SLC9D1: variants seen among roughly 807,000 people sequenced by gnomAD.
SLC9D1 encodes the protein putative LAG1-interacting protein.
At chr13:113,549,497 A>G in the SLC9D1 span, 3 of 1,614,072 alleles carry the variant, frequency 1.9e-6, no homozygotes, top group Non-Finnish European at 2.5e-6. Context: ...AGCTGCAATC[A>G]CGAGGTGTGT....
At chr13:113,547,292 C>T in the SLC9D1 span, 3 of 1,612,802 alleles carry the variant, frequency 1.9e-6, no homozygotes, top group African/African-American at 2.7e-5. Context: ...CTGTCCTGTT[C>T]CCAACAGGGC....
chr13:113,526,556 C>CA, the SLC9D1 span, among the ~76,000 whole-genome samples: 80 of 143,726 alleles, frequency 5.6e-4, no homozygotes, highest in South Asian at 1.6e-3. Context: ...TCATCTCTAC[C>CA]AAAAAAAAAA....
chr13:113,549,522 G>C, the SLC9D1 span: 1 of 1,614,180 alleles, frequency 6.2e-7, no homozygotes, highest in Non-Finnish European at 8.5e-7. Flanking sequence ...AGACCGGAGA[G>C]ACGGTCCAGC....
chr13:113,547,499 C>A, the SLC9D1 span: 1 of 767,208 alleles, frequency 1.3e-6, no homozygotes, highest in Non-Finnish European at 2.2e-6. Context: ...CTCCTCATCT[C>A]GGAGGAGGCC....
the SLC9D1 span, chr13:113,505,138 T>C: frequency 6.6e-6 from 1 of 152,202 alleles, no homozygotes; most frequent in African/African-American, 2.4e-5. Context: ...TTAGCCCACT[T>C]TTGGATGGGG....
At chr13:113,508,491 G>A in the SLC9D1 span, among the ~76,000 whole-genome samples, 2 of 152,216 alleles carry the variant, frequency 1.3e-5, no homozygotes, top group African/African-American at 2.4e-5. Flanking sequence ...CATCACAATT[G>A]CCAAGCATAG....
chr13:113,537,975 G>A, the SLC9D1 span, among the ~76,000 whole-genome samples: 5 of 149,982 alleles, frequency 3.3e-5, no homozygotes, highest in Non-Finnish European at 7.4e-5. Flanking sequence ...TTTGTGGTGT[G>A]TACATGTATG....
the SLC9D1 span, among the ~76,000 whole-genome samples, chr13:113,506,820 C>T: frequency 6.6e-5 from 10 of 152,246 alleles, no homozygotes; most frequent in South Asian, 1.7e-3. Context: ...TGTTGTATAA[C>T]GTAAGGTGGA....
At chr13:113,533,470 AT>A in the SLC9D1 span, among the ~76,000 whole-genome samples, 1 of 152,208 alleles carries the variant, frequency 6.6e-6, no homozygotes, top group South Asian at 2.1e-4. Flanking sequence ...CTAAGGTTAA[AT>A]ATAGGTATAT....
At chr13:113,543,973 A>T in the SLC9D1 span, among the ~76,000 whole-genome samples, 1 of 152,104 alleles carries the variant, frequency 6.6e-6, no homozygotes, top group Non-Finnish European at 1.5e-5. Flanking sequence ...CTCGGCCAGG[A>T]CCTTATTTTT....
the SLC9D1 span, among the ~76,000 whole-genome samples, chr13:113,526,976 GGT>G: frequency 3.9e-5 from 6 of 152,370 alleles, no homozygotes; most frequent in South Asian, 1.0e-3. Flanking sequence ...GTGCTGTGCA[GGT>G]GTGTGGTCCA....
chr13:113,529,170 A>C, the SLC9D1 span: 1 of 152,238 alleles, frequency 6.6e-6, no homozygotes, highest in Non-Finnish European at 1.5e-5. Context: ...TTCCAATTCA[A>C]AAAATTAATG....
At chr13:113,544,687 C>G in the SLC9D1 span, among the ~76,000 whole-genome samples, 89 of 152,382 alleles carry the variant, frequency 5.8e-4, no homozygotes, top group Non-Finnish European at 1.0e-3. Context: ...CATGCCTGCT[C>G]CACAGATGGT....
the SLC9D1 span, chr13:113,510,263 C>G: frequency 1.2e-6 from 2 of 1,614,070 alleles, no homozygotes; most frequent in South Asian, 1.1e-5. Flanking sequence ...TTACAAGGGC[C>G]GTGTTACATG....
the SLC9D1 span, among the ~76,000 whole-genome samples, chr13:113,546,873 TAAAG>T: frequency 2.0e-3 from 297 of 152,144 alleles, 2 homozygotes; most frequent in African/African-American, 6.4e-3. The surrounding 1 kb of genome is among the most constrained non-coding windows in gnomAD (Gnocchi z 7.1). Context: ...GTGAGCCAAA[TAAAG>T]GAAGGAAAGG....
At chr13:113,532,703 AG>A in the SLC9D1 span, among the ~76,000 whole-genome samples, 1 of 152,108 alleles carries the variant, frequency 6.6e-6, no homozygotes, top group African/African-American at 2.4e-5. Flanking sequence ...CGTTCCTGCC[AG>A]GGCTGCAGAA....
the SLC9D1 span, among the ~76,000 whole-genome samples, chr13:113,493,944 G>C: frequency 2.0e-5 from 3 of 152,332 alleles, no homozygotes; most frequent in East Asian, 5.8e-4. Context: ...CCATTTCATG[G>C]TTTGGGCAGA....
the SLC9D1 span, among the ~76,000 whole-genome samples, chr13:113,547,597 A>C: frequency 6.6e-6 from 1 of 152,064 alleles, no homozygotes; most frequent in South Asian, 2.1e-4. Context: ...TTCAGAATTG[A>C]GCGTGTTTAA....
chr13:113,539,288 G>T, the SLC9D1 span: 5 of 1,480,722 alleles, frequency 3.4e-6, no homozygotes, highest in Non-Finnish European at 4.6e-6. The surrounding 1 kb of genome is among the most constrained non-coding windows in gnomAD (Gnocchi z 4.8). Context: ...GTCTCGGGGT[G>T]GCCTTGGGAT....
Sources: gnomAD v4.1 joint callset for allele counts (sites outside exome capture counted in the v4.1 genomes callset) on GRCh38, gnomAD v4.1.1 for gene constraint, Gnocchi (gnomAD v3.1) non-coding constraint, MANE v1.5 for transcripts, NCBI Gene and HGNC (gene_info 2026-07-23, HGNC 2026-07-21) for gene names.